AGAP1: variants seen among roughly 807,000 people sequenced by gnomAD.
The protein encoded by AGAP1 is arf-GAP with GTPase, ANK repeat and PH domain-containing protein 1.
A neutral mutation model predicts 105.3 loss-of-function variants in AGAP1; 29 were observed. That is an observed-to-expected ratio of 0.28 (90% CI 0.21 to 0.38). The LOEUF (loss-of-function observed/expected upper bound fraction) is 0.38. Ranked by LOEUF, AGAP1 falls within the 10% of genes least tolerant of loss-of-function variation. The probability of loss-of-function intolerance (pLI) is 1.00; values close to 1 mark genes in which losing one functional copy is unlikely to be tolerated. For synonymous variants in AGAP1, 509 were observed against 485.9 expected, an observed-to-expected ratio of 1.05 and a Z score of -0.63; for missense variants, 998 against 1,165.1, an observed-to-expected ratio of 0.86 and a Z score of 2.09.
rs577529093 is a variant in AGAP1 at position 235,543,570 on chromosome 2, G to A, written c.163+48721G>A. ...TCTGCAGCAAGGGCTGTGGCTGGCC[G>A]GGGGTGTTTCCCCGGCCTCTCCCCA... On this transcript the variant is annotated intron_variant, in intron 1 of 17. Transcript: ENST00000304032. 3.5e-4 allele frequency among the ~76,000 whole-genome samples: 54 copies of A among 152,298 alleles called. 1 individual carries two copies. The highest frequency in any genetic ancestry group is 2.1e-4 in the South Asian group (1 of 4,832).
intron 1 of AGAP1, among the ~76,000 whole-genome samples, chr2:235,509,135 G>A (rs961978503): frequency 6.6e-5 from 10 of 152,198 alleles, no homozygotes; most frequent in East Asian, 1.9e-4. Context: ...TATAGTTACC[G>A]TGAAAATTAA....
chr2:236,086,622 T>G (rs915487920), intron 16 of AGAP1, among the ~76,000 whole-genome samples: 1 of 152,164 alleles, frequency 6.6e-6, no homozygotes, highest in African/African-American at 2.4e-5. Context: ...CTGATAAGTG[T>G]TGTGGATACA....
At chr2:235,839,602 ATGT>A (rs1355195172) in intron 9 of AGAP1, among the ~76,000 whole-genome samples, 1 of 152,138 alleles carries the variant, frequency 6.6e-6, no homozygotes, top group Non-Finnish European at 1.5e-5. Context: ...ACAAAACGTG[ATGT>A]TGGAGGAGCC....
At chr2:235,948,628 C>T (rs989390726) in intron 12 of AGAP1, among the ~76,000 whole-genome samples, 3 of 152,148 alleles carry the variant, frequency 2.0e-5, no homozygotes, top group Non-Finnish European at 4.4e-5. Context: ...AAAGTGAGTG[C>T]AGTGAGTCTG....
chr2:235,875,744 A>G lies in AGAP1; in HGVS notation c.1051-7601A>G, dbSNP rs569934854. Reference sequence around the variant, plus strand: ...AGACTTGTGTGTTAGTTGTGCACAGATACCTACACTTCCCACTGCCCGACA... The same window carrying G: ...AGACTTGTGTGTTAGTTGTGCACAGGTACCTACACTTCCCACTGCCCGACA... On this transcript the variant is annotated intron_variant, in intron 9 of 17. Coordinates refer to ENST00000304032, the MANE Select transcript of AGAP1 (RefSeq NM_001037131.3). This position sits in a 1 kb window ranked among gnomAD's most constrained non-coding sequence, Gnocchi z 4.0. Among the ~76,000 whole-genome samples the G allele has an allele frequency of 9.9e-5, 15 of 152,274 alleles. No individual in the cohort carries two copies. The highest frequency in any genetic ancestry group is 3.9e-4 in the Admixed American group (6 of 15,294).
At chr2:235,638,309 C>T (rs1054663813) in intron 1 of AGAP1, among the ~76,000 whole-genome samples, 6 of 152,086 alleles carry the variant, frequency 3.9e-5, no homozygotes, top group African/African-American at 1.4e-4. Flanking sequence ...GTGAGTGTGG[C>T]CCCCTCACAG....
Position 236,002,350 on chromosome 2 carries a change from C to A in AGAP1, c.1645+33727C>A, listed in dbSNP as rs1449335488. ...ATATCATCCCCACCTGGACAGTCTG[C>A]AAATGACTTTCCTTCTTCCCTCATC... On this transcript the variant is annotated intron_variant, in intron 13 of 17. Coordinates refer to ENST00000304032, the MANE Select transcript of AGAP1 (RefSeq NM_001037131.3). The surrounding 1 kb of genome is among the most constrained non-coding windows in gnomAD (Gnocchi z 4.3). 6.6e-6 allele frequency among the ~76,000 whole-genome samples: 1 copy of A among 152,226 alleles called. No homozygotes were observed. The highest frequency in any genetic ancestry group is 1.5e-5 in the Non-Finnish European group (1 of 68,046).
At chr2:235,680,104 T>G (rs1948981378) in intron 1 of AGAP1, among the ~76,000 whole-genome samples, 1 of 152,222 alleles carries the variant, frequency 6.6e-6, no homozygotes, top group African/African-American at 2.4e-5. Context: ...GAGAGGAACT[T>G]TAGCTCTATA....
rs1461461186 is a variant in AGAP1, at chr2:235,751,925, C to G, written c.673+1437C>G. Among the ~76,000 whole-genome samples, 1 of 152,214 alleles carries G rather than the reference C, an allele frequency of 6.6e-6. No individual in the cohort carries two copies. The highest frequency in any genetic ancestry group is 2.4e-5 in the African/African-American group (1 of 41,468). On this transcript the variant is annotated intron_variant, in intron 6 of 17. Transcript: ENST00000304032. The surrounding 1 kb of genome is among the most constrained non-coding windows in gnomAD (Gnocchi z 5.3). Reference sequence around the variant, plus strand: ...ATATCTCGGGCACCTCCTGCTGCCTCTGTCGGGAGAATGTCCTGTGGGGAG... The same window carrying G: ...ATATCTCGGGCACCTCCTGCTGCCTGTGTCGGGAGAATGTCCTGTGGGGAG...
At chr2:235,671,167 C>A (rs986086965) in intron 1 of AGAP1, 7 of 1,167,046 alleles carry the variant, frequency 6.0e-6, no homozygotes, top group Admixed American at 8.6e-5. Context: ...TGCACGTGGC[C>A]TCGAGGGATG....
At chr2:235,579,302 C>T (rs1194060901) in intron 1 of AGAP1, among the ~76,000 whole-genome samples, 1 of 152,196 alleles carries the variant, frequency 6.6e-6, no homozygotes, top group Non-Finnish European at 1.5e-5. Flanking sequence ...GTGACGTAAC[C>T]TTTCACTGTC....
In AGAP1 at chr2:236,038,649, T is replaced by G. The variant is rs926489012; in HGVS notation, c.1800+1934T>G. 6.6e-6 allele frequency among the ~76,000 whole-genome samples: 1 copy of G among 151,870 alleles called. No individual in the cohort carries two copies. The highest frequency in any genetic ancestry group is 1.5e-5 in the Non-Finnish European group (1 of 67,972). On this transcript the variant is annotated intron_variant, in intron 14 of 17. Coordinates refer to ENST00000304032, the MANE Select transcript of AGAP1 (RefSeq NM_001037131.3). This position sits in a 1 kb window ranked among gnomAD's most constrained non-coding sequence, Gnocchi z 4.5. ...ACATGGAAATACTGTCCACAAGGAGTAGCGGGAGGCAAAAATACAGGCCCA... is the reference window on the plus strand; with the variant it reads ...ACATGGAAATACTGTCCACAAGGAGGAGCGGGAGGCAAAAATACAGGCCCA...
intron 7 of AGAP1, among the ~76,000 whole-genome samples, chr2:235,798,818 G>A (rs1957359688): frequency 6.8e-6 from 1 of 146,600 alleles, no homozygotes; most frequent in African/African-American, 2.5e-5. Context: ...GCTGCAGTGA[G>A]TGTGATTGTG....
In AGAP1 at chr2:236,083,573, C is replaced by T. The variant is rs1448000892; in HGVS notation, c.2114+34292C>T. Among the ~76,000 whole-genome samples, 3 of 152,162 alleles carry T rather than the reference C, an allele frequency of 2.0e-5. No homozygotes were observed. The highest frequency in any genetic ancestry group is 2.0e-4 in the Admixed American group (3 of 15,276). On this transcript the variant is annotated intron_variant, in intron 16 of 17. Transcript: ENST00000304032. This position sits in a 1 kb window ranked among gnomAD's most constrained non-coding sequence, Gnocchi z 5.3. ...GGAATTCCGTATAAATGTGTGCATG[C>T]TCACACCCATGCCTACATTAGAAAG...
rs1347879522 is a variant in AGAP1, at chr2:235,536,662, CA to C, written c.163+41814del. 2.0e-3 allele frequency among the ~76,000 whole-genome samples: 302 copies of C among 151,778 alleles called. 1 individual carries two copies. In the Middle Eastern group the frequency reaches 0.031, roughly 16 times the overall value. On this transcript the variant is annotated intron_variant, in intron 1 of 17. Coordinates refer to ENST00000304032, the MANE Select transcript of AGAP1 (RefSeq NM_001037131.3). ...ACACACACACACACACACACACACACACACACACACACACACCCCTTGCTTA... is the reference window on the plus strand; with the variant it reads ...ACACACACACACACACACACACACACCACACACACACACACCCCTTGCTTA...
At position 235,898,090 on chromosome 2, in the gene AGAP1, C is replaced by T. The variant is rs187247719; in HGVS notation, c.1156-10648C>T. 1.2e-4 allele frequency among the ~76,000 whole-genome samples: 18 copies of T among 152,322 alleles called. No homozygotes were observed. In the East Asian group the frequency reaches 3.3e-3, roughly 28 times the overall value. ...CTGTTACAACTCTAGGCTAAAAATCCGCTGATGATTACATTAGGCTAAGCT... is the reference window on the plus strand; with the variant it reads ...CTGTTACAACTCTAGGCTAAAAATCTGCTGATGATTACATTAGGCTAAGCT... On this transcript the variant is annotated intron_variant, in intron 10 of 17. Coordinates refer to ENST00000304032, the MANE Select transcript of AGAP1 (RefSeq NM_001037131.3).
chr2:235,677,328 CCT>C (rs1360299558), intron 1 of AGAP1, among the ~76,000 whole-genome samples: 3 of 152,290 alleles, frequency 2.0e-5, no homozygotes, highest in South Asian at 2.1e-4. Flanking sequence ...AGAGTCCTCT[CCT>C]CTCTCATTCA....
intron 1 of AGAP1, among the ~76,000 whole-genome samples, chr2:235,647,431 G>A (rs762800080): frequency 2.0e-5 from 3 of 152,046 alleles, no homozygotes; most frequent in South Asian, 2.1e-4. Context: ...TCTGTCACCC[G>A]GGCCGGAGTG....
chr2:235,650,905 C>T (rs762073895), intron 1 of AGAP1, among the ~76,000 whole-genome samples: 14 of 151,902 alleles, frequency 9.2e-5, no homozygotes, highest in South Asian at 2.1e-4. Flanking sequence ...CCTGGCCAGG[C>T]GTGGTGGCTC....
Sources: gnomAD v4.1 joint callset for allele counts (sites outside exome capture counted in the v4.1 genomes callset) on GRCh38, gnomAD v4.1.1 for gene constraint, Gnocchi (gnomAD v3.1) non-coding constraint, MANE v1.5 for transcripts, NCBI Gene and HGNC (gene_info 2026-07-23, HGNC 2026-07-21) for gene names.